The following NTRK3 variants were observed in gnomAD, a reference collection of about 807,000 sequenced individuals.
NTRK3 encodes NT-3 growth factor receptor.
A neutral mutation model predicts 91.7 loss-of-function variants in NTRK3; 24 were observed. The observed-to-expected ratio is 0.26, with a 90% CI of 0.19 to 0.37. NTRK3 has a LOEUF of 0.37. Among genes scored for constraint, NTRK3 ranks in the 10% least tolerant of loss-of-function variants. NTRK3 has a pLI of 1.00. For missense variants in NTRK3, 880 were observed against 1,068.9 expected (o/e 0.82, Z 2.46); for synonymous variants, 483 against 404.0 (o/e 1.20, Z -2.34).
At chr15:88,213,612 G>A (rs1292045155) in intron 3 of NTRK3, among the ~76,000 whole-genome samples, 1 of 152,020 alleles carries the variant, frequency 6.6e-6, no homozygotes, top group African/African-American at 2.4e-5. Flanking sequence ...TCACAAACAC[G>A]CAGTGTTTTC....
chr15:88,082,387 T>A (rs1450542840), intron 13 of NTRK3, among the ~76,000 whole-genome samples: 1 of 152,096 alleles, frequency 6.6e-6, no homozygotes, highest in Non-Finnish European at 1.5e-5. Context: ...ATCACATACA[T>A]GCAATGAGTG....
intron 14 of NTRK3, among the ~76,000 whole-genome samples, chr15:88,020,404 T>C (rs2077518715): frequency 6.6e-6 from 1 of 152,108 alleles, no homozygotes; most frequent in Non-Finnish European, 1.5e-5. Flanking sequence ...TGGAGCCGGG[T>C]GATAAAATGC....
chr15:88,064,454 CTTTT>C (rs1029128425), intron 13 of NTRK3, among the ~76,000 whole-genome samples: 1 of 151,678 alleles, frequency 6.6e-6, no homozygotes, highest in African/African-American at 2.4e-5. Flanking sequence ...ACTGTTGGTT[CTTTT>C]TTTTTCTCTA....
intron 13 of NTRK3, among the ~76,000 whole-genome samples, chr15:88,063,817 G>A (rs956882190): frequency 5.3e-5 from 8 of 152,202 alleles, no homozygotes; most frequent in Non-Finnish European, 1.2e-4. Context: ...GTCATGAAAG[G>A]CCAAATAACC....
Position 87,965,527 on chromosome 15 carries a change from AAGAG to A in NTRK3, c.1586-24778_1586-24775del, listed in dbSNP as rs1365253770. Among the ~76,000 whole-genome samples the A allele has an allele frequency of 3.9e-5, 6 of 152,270 alleles. No individual in the cohort carries two copies. In the East Asian group the frequency reaches 1.2e-3, roughly 29 times the overall value. On this transcript the variant is annotated intron_variant, in intron 14 of 18. Transcript: ENST00000394480. ...CTCTATGGCAACTGGGTGGGCCTGT[AAGAG>A]CATTGCCCCAGTGTGGAGACTGTCC... is the stretch of plus-strand genomic sequence containing the variant.
At chr15:88,067,752 C>G (rs1193567665) in intron 13 of NTRK3, among the ~76,000 whole-genome samples, 1 of 152,194 alleles carries the variant, frequency 6.6e-6, no homozygotes, top group Non-Finnish European at 1.5e-5. Context: ...CCAGCTCTAC[C>G]TCTTATTTGA....
chr15:87,955,557 G>A (rs954088267), intron 14 of NTRK3, among the ~76,000 whole-genome samples: 4 of 152,236 alleles, frequency 2.6e-5, no homozygotes, highest in African/African-American at 4.8e-5. Context: ...AGAACCCTAC[G>A]AGGGGTTGAA....
chr15:87,912,849 T>C (rs1429936122), intron 17 of NTRK3, among the ~76,000 whole-genome samples: 3 of 149,602 alleles, frequency 2.0e-5, no homozygotes, highest in Admixed American at 1.4e-4. Flanking sequence ...ATGTTGATAA[T>C]TGAATCAATG....
chr15:88,199,671 G>A (rs113975485), intron 3 of NTRK3, among the ~76,000 whole-genome samples: 114 of 152,300 alleles, frequency 7.5e-4, no homozygotes, highest in Admixed American at 2.3e-3. Flanking sequence ...GACCTTCTGC[G>A]CTGCACAAAG....
intron 14 of NTRK3, among the ~76,000 whole-genome samples, chr15:88,030,159 C>T (rs1293368638): frequency 6.6e-6 from 1 of 152,184 alleles, no homozygotes; most frequent in Non-Finnish European, 1.5e-5. Flanking sequence ...TGTTTGTTTT[C>T]CCCTGCTCCT....
At chr15:87,988,928 A>AT (rs1555457664) in intron 14 of NTRK3, among the ~76,000 whole-genome samples, 3 of 151,108 alleles carry the variant, frequency 2.0e-5, no homozygotes, top group Non-Finnish European at 4.4e-5. Context: ...TTTTATTTTT[A>AT]TTTTTTTTAG....
intron 13 of NTRK3, among the ~76,000 whole-genome samples, chr15:88,119,677 T>G (rs1165906689): frequency 6.6e-6 from 1 of 151,780 alleles, no homozygotes; most frequent in East Asian, 1.9e-4. Context: ...GAGGAGGAAA[T>G]AGAAAAAGAA....
chr15:87,902,229 T>C (rs1353520170), intron 17 of NTRK3, among the ~76,000 whole-genome samples: 1 of 152,226 alleles, frequency 6.6e-6, no homozygotes, highest in African/African-American at 2.4e-5. Flanking sequence ...GCTTCCTGTG[T>C]CTTTCTCTTG....
At chr15:88,123,743 G>T (rs149944940) in intron 13 of NTRK3, among the ~76,000 whole-genome samples, 2 of 152,162 alleles carry the variant, frequency 1.3e-5, no homozygotes, top group African/African-American at 4.8e-5. Flanking sequence ...CCAAGTCATA[G>T]GCATATTCAA....
chr15:87,870,548 A>C, exon 19 of NTRK3: 1 of 208,592 alleles, frequency 4.8e-6, no homozygotes, highest in Non-Finnish European at 9.8e-6. Context: ...TCATGTAACC[A>C]AACACTACCT....
At chr15:88,228,977 C>A (rs2050930428) in intron 3 of NTRK3, among the ~76,000 whole-genome samples, 1 of 152,158 alleles carries the variant, frequency 6.6e-6, no homozygotes, top group Non-Finnish European at 1.5e-5. Flanking sequence ...GGTGTGCTCA[C>A]TCCTTACCCC....
At chr15:88,218,505 G>A (rs2049977949) in intron 3 of NTRK3, among the ~76,000 whole-genome samples, 1 of 152,180 alleles carries the variant, frequency 6.6e-6, no homozygotes, top group Admixed American at 6.5e-5. Flanking sequence ...CCTGTCCTGG[G>A]GATTCAAGAC....
At chr15:88,121,097 T>TA (rs869153338) in intron 13 of NTRK3, among the ~76,000 whole-genome samples, 1 of 82,650 alleles carries the variant, frequency 1.2e-5, no homozygotes, top group African/African-American at 5.5e-5. Context: ...ATGTATGTAT[T>TA]TTTTTTACAG....
chr15:88,102,560 C>T (rs533385872), intron 13 of NTRK3, among the ~76,000 whole-genome samples: 1 of 152,192 alleles, frequency 6.6e-6, no homozygotes, highest in Admixed American at 6.5e-5. Context: ...ATGGATATCC[C>T]AGTTACCCTG....
Sources: allele counts gnomAD v4.1 joint callset (sites outside exome capture counted in the v4.1 genomes callset), GRCh38; gene constraint gnomAD v4.1.1; transcripts MANE v1.5; gene names NCBI Gene and HGNC (gene_info 2026-07-23, HGNC 2026-07-21).